Variants in EPC1 observed in about 807,000 individuals in gnomAD.
The protein encoded by EPC1 is enhancer of polycomb homolog 1.
EPC1 carries 12 observed loss-of-function variants against 98.4 expected under a neutral mutation model. That is an observed-to-expected ratio of 0.12 (90% CI 0.08 to 0.20). The LOEUF (loss-of-function observed/expected upper bound fraction) is 0.20. Among genes scored for constraint, EPC1 ranks in the 10% least tolerant of loss-of-function variants. The pLI, the probability that EPC1 is intolerant of heterozygous loss-of-function variation, is 1.00. For missense variants in EPC1, 729 were observed against 990.5 expected (o/e 0.74, Z 3.54); for synonymous variants, 357 against 363.9 (o/e 0.98, Z 0.21).
chr10:32,364,709 A>T (rs906903324), intron 1 of EPC1, among the ~76,000 whole-genome samples: 1 of 152,136 alleles, frequency 6.6e-6, no homozygotes, highest in African/African-American at 2.4e-5. Context: ...AAGCCAAGAA[A>T]AGATAATTTA....
intron 1 of EPC1, among the ~76,000 whole-genome samples, chr10:32,360,894 C>A (rs1247945459): frequency 9.8e-5 from 14 of 142,866 alleles, no homozygotes; most frequent in East Asian, 2.1e-4. Context: ...ACTCCATCTC[C>A]AAAAAAAAAA....
At chr10:32,321,775 T>C (rs1475436) in intron 1 of EPC1, among the ~76,000 whole-genome samples, 50,888 of 151,814 alleles carry the variant, frequency 0.34, 10,489 homozygotes, top group East Asian at 0.52. Context: ...CAGAACCCTA[T>C]GATCTTTCTA....
At chr10:32,288,388 C>G (rs575889894) in intron 6 of EPC1, among the ~76,000 whole-genome samples, 1 of 148,158 alleles carries the variant, frequency 6.7e-6, no homozygotes, top group Non-Finnish European at 1.5e-5. Flanking sequence ...GGTATCAGCA[C>G]ACTGCAATCT....
At chr10:32,284,172 A>G (rs1836544143) in intron 10 of EPC1, 2 of 152,356 alleles carry the variant, frequency 1.3e-5, no homozygotes, top group African/African-American at 4.8e-5. Context: ...AGAAGCCACA[A>G]TAATCAAATA....
At chr10:32,286,379 T>C (rs1215796473) in intron 9 of EPC1, 4 of 335,464 alleles carry the variant, frequency 1.2e-5, no homozygotes, top group Non-Finnish European at 2.2e-5. Context: ...CTTAATACAC[T>C]GTGTGCAATC....
intron 2 of EPC1, among the ~76,000 whole-genome samples, chr10:32,295,969 G>C (rs1433275140): frequency 6.6e-6 from 1 of 151,696 alleles, no homozygotes; most frequent in Admixed American, 6.6e-5. Context: ...TGTCACCCAG[G>C]CTGGAGTGCA....
intron 9 of EPC1, chr10:32,286,088 T>C (rs1836665437): frequency 6.6e-6 from 1 of 152,366 alleles, no homozygotes; most frequent in African/African-American, 2.4e-5. Context: ...GATACTATTA[T>C]TTGCTTTCCC....
At chr10:32,288,717 A>C (rs931211366) in intron 6 of EPC1, among the ~76,000 whole-genome samples, 2 of 152,162 alleles carry the variant, frequency 1.3e-5, no homozygotes, top group Non-Finnish European at 2.9e-5. Context: ...TTAATCTTAA[A>C]ATATGATAAC....
chr10:32,323,265 A>T (rs1837046550), intron 1 of EPC1, among the ~76,000 whole-genome samples: 1 of 152,038 alleles, frequency 6.6e-6, no homozygotes, highest in African/African-American at 2.4e-5. Flanking sequence ...AATCCCCCCC[A>T]GTGTAATTTC....
chr10:32,346,802 C>T lies in EPC1; in HGVS notation c.114G>A (p.Val38=), dbSNP rs1838860128. 1.2e-6 allele frequency: 2 copies of T among 1,614,180 alleles called. No individual in the cohort carries two copies. The highest frequency in any genetic ancestry group is 2.2e-5 in the South Asian group (2 of 91,092). ...TCTCCATTCCGGTGGGCATCTGCGG[C>T]ACGGCCCTGTTTATCGAGGCGTATT... ...LHEYASINRA[V]PQMPTGMEKE... Residue 38 remains valine (V), a synonymous_variant, in exon 1 of 14, where the codon GTG becomes GTA. Coordinates refer to ENST00000319778, the MANE Select transcript of EPC1 (RefSeq NM_001272004.3).
intron 1 of EPC1, among the ~76,000 whole-genome samples, chr10:32,320,587 T>C (rs1182387198): frequency 2.1e-4 from 32 of 152,206 alleles, no homozygotes; most frequent in Non-Finnish European, 7.3e-5. Context: ...ATTTCTTAAT[T>C]AGTCATTTGA....
chr10:32,273,589 A>G (rs1835941935), intron 10 of EPC1, among the ~76,000 whole-genome samples: 1 of 152,182 alleles, frequency 6.6e-6, no homozygotes, highest in East Asian at 1.9e-4. Flanking sequence ...TGTTCTACAC[A>G]GTGTAGAAAG....
At chr10:32,341,805 A>T (rs1838373433) in intron 1 of EPC1, among the ~76,000 whole-genome samples, 1 of 152,234 alleles carries the variant, frequency 6.6e-6, no homozygotes, top group Admixed American at 6.5e-5. Context: ...CCAAACTGAG[A>T]TAAAACCAAA....
intron 1 of EPC1, among the ~76,000 whole-genome samples, chr10:32,332,472 G>C (rs547827637): frequency 3.9e-5 from 6 of 152,314 alleles, no homozygotes; most frequent in African/African-American, 1.4e-4. Flanking sequence ...AGAAGTGATA[G>C]TACGTCACTT....
At chr10:32,282,949 T>C (rs945832645) in intron 10 of EPC1, 1 of 152,226 alleles carries the variant, frequency 6.6e-6, no homozygotes, top group African/African-American at 2.4e-5. Flanking sequence ...AAAAGTTCTT[T>C]ATTTTGATTC....
At chr10:32,312,739 C>T (rs750467160) in intron 1 of EPC1, among the ~76,000 whole-genome samples, 13 of 151,998 alleles carry the variant, frequency 8.6e-5, no homozygotes, top group East Asian at 3.9e-4. Context: ...TACATGTGCA[C>T]GCACACACAG....
chr10:32,304,876 G>A (rs866537226), intron 2 of EPC1, among the ~76,000 whole-genome samples: 11 of 145,828 alleles, frequency 7.5e-5, no homozygotes, highest in African/African-American at 2.0e-4. Flanking sequence ...CCGAGATCGC[G>A]CCATTGCACT....
intron 10 of EPC1, among the ~76,000 whole-genome samples, chr10:32,280,414 G>A (rs1384041343): frequency 6.6e-6 from 1 of 151,994 alleles, no homozygotes; most frequent in Non-Finnish European, 1.5e-5. Flanking sequence ...TCACGCCATG[G>A]CACTCCAGCC....
chr10:32,301,633 T>C (rs1446655997), intron 2 of EPC1, among the ~76,000 whole-genome samples: 2 of 152,130 alleles, frequency 1.3e-5, no homozygotes, highest in African/African-American at 2.4e-5. Flanking sequence ...CACACAACAA[T>C]GTCCAGTTAA....
Sources: allele counts gnomAD v4.1 joint callset (sites outside exome capture counted in the v4.1 genomes callset), GRCh38; gene constraint gnomAD v4.1.1; transcripts MANE v1.5; gene names NCBI Gene and HGNC (gene_info 2026-07-23, HGNC 2026-07-21).